The following EYS variants were observed in gnomAD, a reference collection of about 807,000 sequenced individuals.
The protein encoded by EYS is EGF-like photoreceptor maintenance factor.
In EYS, 250 loss-of-function variants were observed where a neutral mutation model predicts 282.1. The observed-to-expected ratio is 0.89, with a 90% CI of 0.80 to 0.98. The LOEUF (loss-of-function observed/expected upper bound fraction) is 0.98. EYS is among the 50% of genes least tolerant of loss of function. The pLI, the probability that EYS is intolerant of heterozygous loss-of-function variation, is 0.00. For missense variants in EYS, 4,016 were observed against 3,709.0 expected, an observed-to-expected ratio of 1.08 and a Z score of -2.15; for synonymous variants, 1,355 against 1,282.9, an observed-to-expected ratio of 1.06 and a Z score of -1.20.
At chr6:64,505,923 T>C (rs962255217) in intron 26 of EYS, among the ~76,000 whole-genome samples, 1 of 152,162 alleles carries the variant, frequency 6.6e-6, no homozygotes, top group African/African-American at 2.4e-5. Context: ...CTGATATGCT[T>C]GAGAATCACA....
intron 34 of EYS, among the ~76,000 whole-genome samples, chr6:63,997,012 T>C (rs896401866): frequency 5.9e-5 from 9 of 152,218 alleles, no homozygotes; most frequent in African/African-American, 2.2e-4. Context: ...TACTATTTTG[T>C]ACATAATGAT....
At chr6:65,340,850 A>C (rs557400377) in intron 10 of EYS, among the ~76,000 whole-genome samples, 5 of 151,240 alleles carry the variant, frequency 3.3e-5, no homozygotes, top group African/African-American at 1.2e-4. Flanking sequence ...AAAGTTTCAC[A>C]AAATCTCATT....
chr6:65,291,655 A>G (rs1768529901), intron 12 of EYS, among the ~76,000 whole-genome samples: 1 of 151,630 alleles, frequency 6.6e-6, no homozygotes, highest in South Asian at 2.1e-4. Flanking sequence ...AAAATGCTCC[A>G]GGAGGTCATC....
chr6:64,323,071 T>C (rs575597938), intron 29 of EYS, among the ~76,000 whole-genome samples: 3 of 152,132 alleles, frequency 2.0e-5, no homozygotes, highest in African/African-American at 7.2e-5. Flanking sequence ...ATATCATATA[T>C]AATTTATCTA....
intron 26 of EYS, among the ~76,000 whole-genome samples, chr6:64,578,992 T>A (rs1765977483): frequency 6.6e-6 from 1 of 152,154 alleles, no homozygotes; most frequent in African/African-American, 2.4e-5. Flanking sequence ...AACAGAAATA[T>A]CTTTTCATTA....
chr6:64,469,758 G>T lies in EYS; in HGVS notation c.5645-30406C>A, dbSNP rs893319983. Among the ~76,000 whole-genome samples, 2 of 152,006 alleles carry T rather than the reference G, an allele frequency of 1.3e-5. 1 individual carries two copies. Among genetic ancestry groups the T allele is most frequent in the South Asian group, 4.2e-4 (2 of 4,816 alleles). On this transcript the variant is annotated intron_variant, in intron 26 of 42. Coordinates refer to ENST00000503581, the MANE Select transcript of EYS (RefSeq NM_001142800.2). ...AAGACTCTACTCCTACACCTCTTGT[G>T]GAGGGCCTGACATTAGTCAGGCCCA...
At chr6:64,587,224 G>A (rs539029437) in intron 26 of EYS, among the ~76,000 whole-genome samples, 1 of 152,072 alleles carries the variant, frequency 6.6e-6, no homozygotes, top group Admixed American at 6.6e-5. Flanking sequence ...AAGTGGGAAA[G>A]TCACCAGCAG....
At chr6:64,726,877 C>A (rs1771774944) in intron 22 of EYS, among the ~76,000 whole-genome samples, 1 of 152,130 alleles carries the variant, frequency 6.6e-6, no homozygotes, top group African/African-American at 2.4e-5. Flanking sequence ...AACAGACTTA[C>A]AAATGAAACA....
At chr6:65,519,402 T>C (rs1304078637) in intron 2 of EYS, among the ~76,000 whole-genome samples, 1 of 151,624 alleles carries the variant, frequency 6.6e-6, no homozygotes, top group Non-Finnish European at 1.5e-5. Flanking sequence ...TTATCGTGTA[T>C]TGATATGTAA....
intron 13 of EYS, among the ~76,000 whole-genome samples, chr6:65,016,659 T>G (rs1326981699): frequency 6.6e-6 from 1 of 152,162 alleles, no homozygotes; most frequent in East Asian, 1.9e-4. Flanking sequence ...GTCATCCAAC[T>G]TCAATAATCA....
intron 5 of EYS, among the ~76,000 whole-genome samples, chr6:65,471,343 T>C (rs915828653): frequency 1.8e-4 from 27 of 151,580 alleles, no homozygotes; most frequent in African/African-American, 6.5e-4. Context: ...CTGCTGTGGG[T>C]TGAGATCACA....
intron 8 of EYS, among the ~76,000 whole-genome samples, chr6:65,368,112 C>A (rs879286960): frequency 6.6e-6 from 1 of 151,304 alleles, no homozygotes; most frequent in Non-Finnish European, 1.5e-5. Context: ...GGCAAAAAAG[C>A]TCCTTAAAAA....
intron 29 of EYS, among the ~76,000 whole-genome samples, chr6:64,348,028 T>A (rs954614653): frequency 1.3e-5 from 2 of 151,462 alleles, no homozygotes; most frequent in African/African-American, 4.8e-5. Context: ...GATCTTGTGT[T>A]TATATTTTAA....
chr6:64,038,121 A>G (rs1770208428), intron 33 of EYS, among the ~76,000 whole-genome samples: 1 of 151,832 alleles, frequency 6.6e-6, no homozygotes, highest in Non-Finnish European at 1.5e-5. Flanking sequence ...GGTGGTTACC[A>G]GAGGCTGGGG....
intron 2 of EYS, among the ~76,000 whole-genome samples, chr6:65,582,376 G>A (rs1261223229): frequency 6.6e-6 from 1 of 151,980 alleles, no homozygotes. Context: ...TCAGGACCAG[G>A]AAACTTAATA....
intron 11 of EYS, among the ~76,000 whole-genome samples, chr6:65,306,374 A>G (rs1470775866): frequency 6.6e-6 from 1 of 152,162 alleles, no homozygotes; most frequent in Admixed American, 6.5e-5. Flanking sequence ...AAATTTATGT[A>G]TCGACACACC....
intron 22 of EYS, among the ~76,000 whole-genome samples, chr6:64,635,761 C>T (rs1429676357): frequency 6.6e-6 from 1 of 152,126 alleles, no homozygotes; most frequent in Admixed American, 6.6e-5. Context: ...CAATGTTCAT[C>T]AAGGATATTG....
At chr6:65,140,676 G>A (rs1262774220) in intron 12 of EYS, among the ~76,000 whole-genome samples, 1 of 151,820 alleles carries the variant, frequency 6.6e-6, no homozygotes, top group Non-Finnish European at 1.5e-5. Context: ...CAAAAAGTGG[G>A]CAAAGGATAT....
intron 15 of EYS, among the ~76,000 whole-genome samples, chr6:64,939,611 G>T (rs1011640890): frequency 3.3e-5 from 5 of 151,436 alleles, no homozygotes; most frequent in African/African-American, 1.2e-4. Flanking sequence ...CATTTTGTTG[G>T]GATATATAAG....
Sources: allele counts gnomAD v4.1 joint callset (sites outside exome capture counted in the v4.1 genomes callset), GRCh38; gene constraint gnomAD v4.1.1; transcripts MANE v1.5; gene names NCBI Gene and HGNC (gene_info 2026-07-23, HGNC 2026-07-21).